CDC16: variants seen among roughly 807,000 people sequenced by gnomAD.
CDC16 encodes the protein cell division cycle protein 16 homolog.
A neutral mutation model predicts 87.0 loss-of-function variants in CDC16; 34 were observed. The observed-to-expected ratio is 0.39, with a 90% CI of 0.30 to 0.52. CDC16 has a LOEUF of 0.52. Among genes scored for constraint, CDC16 ranks in the 20% least tolerant of loss-of-function variants. CDC16 has a pLI of 0.74. For missense variants in CDC16, 653 were observed against 751.9 expected (o/e 0.87, Z 1.54); for synonymous variants, 263 against 260.6 (o/e 1.01, Z -0.09).
At chr13:114,267,178 A>G (rs1462617536) in intron 17 of CDC16, among the ~76,000 whole-genome samples, 2 of 152,076 alleles carry the variant, frequency 1.3e-5, no homozygotes, top group Non-Finnish European at 2.9e-5. Flanking sequence ...GAAAATTTAG[A>G]GAATATCTCT....
Position 114,239,169 on chromosome 13 carries a change from A to G in CDC16, c.240+141A>G, listed in dbSNP as rs17337849. ...TGAGGAAGTGTTCCTTTCCTTAGTC[A>G]TGTTTGCTATAAAATACTGATTCTT... On this transcript the variant is annotated intron_variant, in intron 4 of 17. Transcript: ENST00000356221. The G allele has an allele frequency of 6.0e-4, 847 of 1,417,046 alleles. 6 individuals are homozygous for G. In the African/African-American group the frequency reaches 0.011, roughly 18 times the overall value. The allele number at this position is 1,417,046 out of a possible 1,614,324, so 87.8% of individuals were successfully genotyped here.
chr13:114,250,557 C>T lies in CDC16; in HGVS notation c.980C>T (p.Thr327Ile). The T allele has an allele frequency of 1.2e-6, 2 of 1,612,690 alleles. No individual in the cohort carries two copies. Among genetic ancestry groups the T allele is most frequent in the Non-Finnish European group, 1.7e-6 (2 of 1,179,268 alleles). ...EHARRYLSKATTLEKTYGPAW... is the reference protein window; with the variant it reads ...EHARRYLSKAITLEKTYGPAW... ...TAACTCTTTTGTTTTAGCAAAGCCA[C>T]AACACTTGAGAAAACCTATGGACCT... The change falls in exon 12 of 18, where the codon ACA becomes ATA. Residue 327 changes from threonine (T) to isoleucine (I), a missense_variant. Coordinates refer to ENST00000356221, the MANE Select transcript of CDC16 (RefSeq NM_001078645.3).
intron 12 of CDC16, among the ~76,000 whole-genome samples, chr13:114,256,539 C>G (rs723395): frequency 0.011 from 1,725 of 152,308 alleles, 96 homozygotes; most frequent in Admixed American, 0.08. Context: ...GTAGTTCTGA[C>G]TCTGCCTAGA....
rs760319878 is a variant in CDC16, at chr13:114,265,175, C to T, written c.1538C>T (p.Thr513Ile). 5 of 1,611,540 alleles carry T rather than the reference C, an allele frequency of 3.1e-6. No individual in the cohort carries two copies. Among genetic ancestry groups the T allele is most frequent in the Non-Finnish European group, 4.2e-6 (5 of 1,177,686 alleles). The change falls in exon 17 of 18, where the codon ACA (threonine) becomes ATA (isoleucine). Residue 513 changes from threonine (T) to isoleucine (I), a missense_variant. Coordinates refer to ENST00000356221, the MANE Select transcript of CDC16 (RefSeq NM_001078645.3). ...GCCCTTGGTCTTAGGCGAGATGATA[C>T]ATTTTCTGTTACAATGCTTGGTCAT... ...HTALGLRRDD[T>I]FSVTMLGHCI... is the part of the protein sequence containing the mutation.
rs1241954828 is a variant in CDC16, at chr13:114,242,034, A to G, written c.382-87A>G. 4.8e-6 allele frequency: 7 copies of G among 1,450,910 alleles called. No individual in the cohort carries two copies. In the Admixed American group the frequency reaches 6.8e-5, roughly 14 times the overall value. 89.9% of individuals were successfully genotyped at this position (1,450,910 alleles called of 1,614,324 possible). A position where few individuals can be genotyped will look rare whatever the true frequency, so the allele number is the denominator to read the frequency against. Reference sequence around the variant, plus strand: ...ACCACTGAACTCCAGCCTGGGAGACAGAGTGAGACTCTGCCTCTAAGGAGA... The same window carrying G: ...ACCACTGAACTCCAGCCTGGGAGACGGAGTGAGACTCTGCCTCTAAGGAGA... On this transcript the variant is annotated intron_variant, in intron 5 of 17. Transcript: ENST00000356221.
intron 9 of CDC16, among the ~76,000 whole-genome samples, chr13:114,245,249 T>G: frequency 6.6e-6 from 1 of 151,582 alleles, no homozygotes. Context: ...AATTGTTGGG[T>G]GTCAGTTCTG....
At chr13:114,258,988 T>C (rs910457335) in intron 13 of CDC16, among the ~76,000 whole-genome samples, 1 of 150,938 alleles carries the variant, frequency 6.6e-6, no homozygotes, top group Non-Finnish European at 1.5e-5. Flanking sequence ...ATCCCAGCTG[T>C]GTCAGGAGGC....
At chr13:114,260,103 T>G (rs1404737141) in intron 14 of CDC16, among the ~76,000 whole-genome samples, 1 of 152,238 alleles carries the variant, frequency 6.6e-6, no homozygotes, top group African/African-American at 2.4e-5. Context: ...TTTTCACTTC[T>G]CAGCTTCCTG....
chr13:114,265,273 C>T, intron 17 of CDC16, 33 bp downstream of exon 17: 1 of 1,371,810 alleles, frequency 7.3e-7, no homozygotes, highest in East Asian at 2.3e-5. Context: ...TGGTATTGTA[C>T]TCCATTTTTT....
At chr13:114,248,456 A>G (rs937213728) in intron 11 of CDC16, among the ~76,000 whole-genome samples, 1 of 152,160 alleles carries the variant, frequency 6.6e-6, no homozygotes, top group Non-Finnish European at 1.5e-5. Flanking sequence ...CGAGACAGGC[A>G]GATTACCTTA....
At chr13:114,260,436 C>T (rs1409051185) in intron 14 of CDC16, among the ~76,000 whole-genome samples, 1 of 152,176 alleles carries the variant, frequency 6.6e-6, no homozygotes, top group African/African-American at 2.4e-5. Context: ...CAGACGGGCT[C>T]AGCAGCATCA....
In CDC16 at chr13:114,245,829, C is replaced by T. The variant is rs1197773190; in HGVS notation, c.848-171C>T. On this transcript the variant is annotated intron_variant, in intron 9 of 17. Transcript: ENST00000356221. ...GTTCCCACCTTGCCCACAGTGTGTCCTTCATCTAACTCTCCAGTTAGAGAG... is the reference window on the plus strand; with the variant it reads ...GTTCCCACCTTGCCCACAGTGTGTCTTTCATCTAACTCTCCAGTTAGAGAG... The T allele has an allele frequency of 5.3e-6, 3 of 561,060 alleles. No individual in the cohort carries two copies. The Admixed American group carries it at 1.1e-4, about 21-fold the overall frequency. The allele number at this position is 561,060 out of a possible 1,614,324, so 34.8% of individuals were successfully genotyped here.
At chr13:114,267,065 A>T (rs556693748) in intron 17 of CDC16, among the ~76,000 whole-genome samples, 1 of 152,328 alleles carries the variant, frequency 6.6e-6, no homozygotes, top group East Asian at 1.9e-4. Flanking sequence ...TAGACAAAGG[A>T]ATACATGAGG....
intron 17 of CDC16, among the ~76,000 whole-genome samples, chr13:114,270,529 C>T (rs1227531697): frequency 1.3e-5 from 2 of 152,156 alleles, no homozygotes; most frequent in African/African-American, 4.8e-5. Flanking sequence ...CCAAGAAGTG[C>T]TTATCTCAGG....
intron 11 of CDC16, among the ~76,000 whole-genome samples, chr13:114,250,340 A>G (rs1251589122): frequency 1.3e-5 from 2 of 152,140 alleles, no homozygotes; most frequent in African/African-American, 4.8e-5. Flanking sequence ...TGTGAATACA[A>G]AATTAGCCGG....
rs1389582769 is a variant in CDC16 at position 114,235,117 on chromosome 13, G to C, written c.33G>C (p.Arg11=). Residue 11 remains arginine (R), a synonymous_variant, in exon 1 of 18, where the codon CGG becomes CGC. Coordinates refer to ENST00000356221, the MANE Select transcript of CDC16 (RefSeq NM_001078645.3). Reference sequence around the variant, plus strand: ...TAGAGCGGCTGCGGAAGCGCGTCCGGCAGTACCTCGACCAGGTGGGCGGCC... The same window carrying C: ...TAGAGCGGCTGCGGAAGCGCGTCCGCCAGTACCTCGACCAGGTGGGCGGCC... MNLERLRKRV[R]QYLDQQQYQS... 2.4e-6 allele frequency: 3 copies of C among 1,245,500 alleles called. No individual in the cohort carries two copies. Among genetic ancestry groups the C allele is most frequent in the Non-Finnish European group, 2.0e-6 (2 of 995,238 alleles). The allele number at this position is 1,245,500 out of a possible 1,614,324, so 77.2% of individuals were successfully genotyped here. A position where few individuals can be genotyped will look rare whatever the true frequency, so the allele number is the denominator to read the frequency against.
At chr13:114,264,688 T>C (rs2083082852) in intron 16 of CDC16, among the ~76,000 whole-genome samples, 1 of 151,444 alleles carries the variant, frequency 6.6e-6, no homozygotes, top group African/African-American at 2.4e-5. Context: ...CTCGGCTCAC[T>C]GCAACCTCCA....
At position 114,239,430 on chromosome 13, in the gene CDC16, C is replaced by G; in HGVS notation, c.321C>G (p.Tyr107Ter). ...TCAATAAAAGATTATTTGAAAAATA[C>G]TTGAAGGACGAAAGTGGCTTCAAAG... Reference protein sequence around the residue: ...EPINKRLFEKYLKDESGFKDP... With the variant: ...EPINKRLFEK The change falls in exon 5 of 18, where the codon TAC becomes TAG. Residue 107 changes from tyrosine (Y) to a stop codon, truncating the protein, a stop_gained. Coordinates refer to ENST00000356221, the MANE Select transcript of CDC16 (RefSeq NM_001078645.3). LOFTEE classifies it high-confidence loss of function. The G allele has an allele frequency of 6.2e-7, 1 of 1,613,318 alleles. No individual in the cohort carries two copies. Among genetic ancestry groups the G allele is most frequent in the Non-Finnish European group, 8.5e-7 (1 of 1,179,408 alleles).
At chr13:114,239,888 T>G (rs961798875) in intron 5 of CDC16, among the ~76,000 whole-genome samples, 10 of 152,242 alleles carry the variant, frequency 6.6e-5, no homozygotes, top group African/African-American at 2.4e-4. Flanking sequence ...CAAAGTACAT[T>G]GCTATGTAAT....
Sources: allele counts gnomAD v4.1 joint callset (sites outside exome capture counted in the v4.1 genomes callset), GRCh38; gene constraint gnomAD v4.1.1; transcripts MANE v1.5; gene names NCBI Gene and HGNC (gene_info 2026-07-23, HGNC 2026-07-21).